The following CD99 variants were observed in gnomAD, a reference collection of about 807,000 sequenced individuals.
CD99 encodes the protein CD99 molecule (Xg blood group).
CD99 carries 19 observed loss-of-function variants against 28.4 expected under a neutral mutation model. The ratio of observed to expected loss-of-function variants is 0.67; its 90% CI spans 0.47 to 0.98. The LOEUF (loss-of-function observed/expected upper bound fraction) is 0.98. Ranked by LOEUF, CD99 falls within the 50% of genes least tolerant of loss-of-function variation. The pLI, the probability that CD99 is intolerant of heterozygous loss-of-function variation, is 0.00. For missense variants in CD99, 283 were observed against 248.8 expected, an observed-to-expected ratio of 1.14 and a Z score of -0.92; for synonymous variants, 103 against 92.1, an observed-to-expected ratio of 1.12 and a Z score of -0.67.
chrX:2,736,637 C>A (rs1306430416), intron 8 of CD99, among the ~76,000 whole-genome samples: 1 of 151,852 alleles, frequency 6.6e-6, no homozygotes, highest in African/African-American at 2.4e-5. Context: ...GTGGGCGGAT[C>A]ACAAGGTCAG....
intron 8 of CD99, chrX:2,733,219 C>G (rs1417143951): frequency 2.3e-6 from 2 of 872,312 alleles, no homozygotes; most frequent in African/African-American, 1.7e-5. Context: ...GAGCCTCTAT[C>G]CCATTACTTC....
chrX:2,736,987 T>C (rs1603297016), intron 8 of CD99, among the ~76,000 whole-genome samples: 1 of 151,946 alleles, frequency 6.6e-6, no homozygotes, highest in African/African-American at 2.4e-5. Flanking sequence ...TGTCCTTTGA[T>C]GGCTGGGGAA....
chrX:2,696,455 C>T (rs1369359393), intron 1 of CD99, among the ~76,000 whole-genome samples: 7 of 152,132 alleles, frequency 4.6e-5, no homozygotes, highest in Non-Finnish European at 1.0e-4. Context: ...GGCTGGAGTG[C>T]GATGGTGCGA....
At chrX:2,705,640 A>G (rs2048077629) in intron 1 of CD99, among the ~76,000 whole-genome samples, 1 of 152,054 alleles carries the variant, frequency 6.6e-6, no homozygotes, top group Non-Finnish European at 1.5e-5. Flanking sequence ...TCGTTTTCAA[A>G]TATTCAAGCC....
intron 1 of CD99, among the ~76,000 whole-genome samples, chrX:2,694,348 T>A (rs1218331708): frequency 1.3e-5 from 2 of 151,906 alleles, no homozygotes; most frequent in African/African-American, 4.8e-5. Flanking sequence ...TGGAAGTTAT[T>A]AGGAGAATGT....
chrX:2,718,413 G>A (rs1285999501), intron 3 of CD99, among the ~76,000 whole-genome samples: 1 of 150,342 alleles, frequency 6.7e-6, no homozygotes, highest in Non-Finnish European at 1.5e-5. Flanking sequence ...CTGTCGCCCA[G>A]GCTGGAGTGC....
At position 2,712,286 on chromosome X, in the gene CD99, G is replaced by T. The variant is rs183415383; in HGVS notation, c.68-2136G>T. Among the ~76,000 whole-genome samples, 6 of 152,214 alleles carry T rather than the reference G, an allele frequency of 3.9e-5. No individual in the cohort carries two copies. The East Asian group carries it at 9.6e-4, about 24-fold the overall frequency. On this transcript the variant is annotated intron_variant, in intron 1 of 9. Coordinates refer to ENST00000381192, the MANE Select transcript of CD99 (RefSeq NM_002414.5). ...GTACAACATTTCCATCAGATAGGAAGGGATAAGTTCAGGGGTCTACTGTAC... is the reference window on the plus strand; with the variant it reads ...GTACAACATTTCCATCAGATAGGAATGGATAAGTTCAGGGGTCTACTGTAC...
At chrX:2,714,723 G>A (rs1282968628) in intron 2 of CD99, 1 of 346,956 alleles carries the variant, frequency 2.9e-6, no homozygotes, top group Non-Finnish European at 5.2e-6. Context: ...AGGAAGTGGG[G>A]CACGTGCTGT....
At chrX:2,701,436 T>C (rs311042) in intron 1 of CD99, among the ~76,000 whole-genome samples, 85,373 of 152,054 alleles carry the variant, frequency 0.56, 24,195 homozygotes, top group African/African-American at 0.61. Flanking sequence ...AAAAGCACCA[T>C]TGTGGATGGA....
intron 8 of CD99, chrX:2,733,414 A>G: frequency 6.4e-7 from 1 of 1,574,348 alleles, no homozygotes; most frequent in Non-Finnish European, 8.6e-7. Context: ...GAGCGTCCTG[A>G]CCGTAATCGT....
chrX:2,731,543 C>T (rs370701910), intron 8 of CD99, among the ~76,000 whole-genome samples: 193 of 152,062 alleles, frequency 1.3e-3, no homozygotes, highest in African/African-American at 4.4e-3. Flanking sequence ...GAGCCGAGAT[C>T]GAGCCACTGC....
At chrX:2,729,166 C>CAAAAAG (rs2049460401) in intron 8 of CD99, among the ~76,000 whole-genome samples, 1 of 152,110 alleles carries the variant, frequency 6.6e-6, no homozygotes, top group Non-Finnish European at 1.5e-5. Context: ...AATTGTTGAA[C>CAAAAAG]ACTTTTGCAT....
rs572893978 is a variant in CD99, at chrX:2,692,062, G to A, written c.67+635G>A. The A allele has an allele frequency of 2.6e-4, 158 of 617,606 alleles. 3 individuals are homozygous for A. In the African/African-American group the frequency reaches 2.6e-3, roughly 10 times the overall value. The allele number at this position is 617,606 out of a possible 1,614,324, so 38.3% of individuals were successfully genotyped here. Reference sequence around the variant, plus strand: ...CGTGTGCTTACCAAATTGTCCATCTGCGGCGGTGGAGAATTCGGAAAACAG... The same window carrying A: ...CGTGTGCTTACCAAATTGTCCATCTACGGCGGTGGAGAATTCGGAAAACAG... On this transcript the variant is annotated intron_variant, in intron 1 of 9. Transcript: ENST00000381192.
At chrX:2,716,474 C>T (rs1380898697) in intron 2 of CD99, among the ~76,000 whole-genome samples, 2 of 152,130 alleles carry the variant, frequency 1.3e-5, no homozygotes. Context: ...GTAGCTGGGA[C>T]TACAGGCATG....
rs756200237 is a variant in CD99 at position 2,691,314 on chromosome X, C to T, written c.-47C>T. On this transcript the variant is annotated 5_prime_UTR_variant, in exon 1 of 10. Transcript: ENST00000381192. ...GGGAGTATCTGTCCTGCCGCCTTCG[C>T]CCACGCCCTGCACTCCGGGACCGTC... The T allele has an allele frequency of 1.3e-6, 2 of 1,486,486 alleles. No homozygotes were observed. The highest frequency in any genetic ancestry group is 8.9e-7 in the Non-Finnish European group (1 of 1,120,636). The allele number at this position is 1,486,486 out of a possible 1,614,324, so 92.1% of individuals were successfully genotyped here.
At chrX:2,733,243 G>T in intron 8 of CD99, 1 of 1,131,012 alleles carries the variant, frequency 8.8e-7, no homozygotes, top group East Asian at 2.6e-5. Context: ...GCTCAGAGCA[G>T]CTCTTTCTAA....
At chrX:2,695,045 A>G (rs1439150494) in intron 1 of CD99, among the ~76,000 whole-genome samples, 2 of 152,190 alleles carry the variant, frequency 1.3e-5, no homozygotes, top group African/African-American at 4.8e-5. Context: ...CCCCGGGGAA[A>G]TAGACTTCTC....
At chrX:2,703,432 A>G (rs1185634214) in intron 1 of CD99, among the ~76,000 whole-genome samples, 1 of 152,156 alleles carries the variant, frequency 6.6e-6, no homozygotes, top group African/African-American at 2.4e-5. Flanking sequence ...GTCTTTAAAC[A>G]GAAACCCACA....
chrX:2,714,672 A>G (rs1482915064), intron 2 of CD99: 3 of 424,386 alleles, frequency 7.1e-6, no homozygotes, highest in South Asian at 7.7e-5. Flanking sequence ...GTATACTCCA[A>G]TTGAAAATAC....
Sources: allele counts gnomAD v4.1 joint callset (sites outside exome capture counted in the v4.1 genomes callset), GRCh38; gene constraint gnomAD v4.1.1; transcripts MANE v1.5; gene names NCBI Gene and HGNC (gene_info 2026-07-23, HGNC 2026-07-21).